The following MBD5 variants were observed in gnomAD, a reference collection of about 807,000 sequenced individuals.
MBD5 encodes the protein methyl-CpG-binding domain protein 5.
In MBD5, 13 loss-of-function variants were observed where a neutral mutation model predicts 117.3. The ratio of observed to expected loss-of-function variants is 0.11; its 90% CI spans 0.07 to 0.18. MBD5 has a LOEUF of 0.18. MBD5 is among the 10% of genes least tolerant of loss of function. The pLI is 1.00. For synonymous variants in MBD5, 727 were observed against 766.4 expected (o/e 0.95, Z 0.85); for missense variants, 1,879 against 2,093.8 (o/e 0.90, Z 2.00).
At chr2:148,303,142 A>G (rs1437735597) in intron 3 of MBD5, among the ~76,000 whole-genome samples, 2 of 152,124 alleles carry the variant, frequency 1.3e-5, no homozygotes, top group Non-Finnish European at 2.9e-5. Flanking sequence ...AATAAGTGGA[A>G]CCTTCTGAAT....
intron 1 of MBD5, among the ~76,000 whole-genome samples, chr2:148,156,666 G>A (rs906835679): frequency 6.6e-5 from 10 of 152,086 alleles, no homozygotes; most frequent in African/African-American, 2.4e-4. Context: ...TTTTTTGTCT[G>A]TGCATATTTT....
chr2:148,249,739 T>C (rs1700421311), intron 3 of MBD5, among the ~76,000 whole-genome samples: 1 of 152,206 alleles, frequency 6.6e-6, no homozygotes, highest in Non-Finnish European at 1.5e-5. Context: ...TATTATTACT[T>C]ACCTCACTCT....
At chr2:148,200,945 T>A (rs955901292) in intron 2 of MBD5, among the ~76,000 whole-genome samples, 2 of 152,224 alleles carry the variant, frequency 1.3e-5, no homozygotes, top group Non-Finnish European at 2.9e-5. Context: ...GATCCATTTA[T>A]TTATTTGTTA....
At chr2:148,460,248 A>G (rs986119055) in intron 5 of MBD5, 2 of 152,140 alleles carry the variant, frequency 1.3e-5, no homozygotes, top group African/African-American at 4.8e-5. Flanking sequence ...TTCTGCGAGC[A>G]AAAACCAAAG....
rs70995316 is a variant in MBD5 at position 148,447,178 on chromosome 2, G to GGAAAGAAAGAAAGAAAGAAA, written c.-556-10987_-556-10968dup. Among the ~76,000 whole-genome samples, 388 of 137,740 alleles carry GGAAAGAAAGAAAGAAAGAAA rather than the reference G, an allele frequency of 2.8e-3. 3 individuals are homozygous for GGAAAGAAAGAAAGAAAGAAA. Among genetic ancestry groups the GGAAAGAAAGAAAGAAAGAAA allele is most frequent in the African/African-American group, 7.5e-3 (255 of 34,166 alleles). The allele number at this position is 137,740 out of a possible 152,430, so 90.4% of individuals were successfully genotyped here. A position where few individuals can be genotyped will look rare whatever the true frequency, so the allele number is the denominator to read the frequency against. ...AGGAAAGAAAGGAAGAAAGGAAGAA[G>GGAAAGAAAGAAAGAAAGAAA]GAAAGAAAGAAAGAAAGAAAGAAAG... On this transcript the variant is annotated intron_variant, in intron 4 of 13. Transcript: ENST00000642680.
At chr2:148,210,680 T>C (rs1444428119) in intron 2 of MBD5, among the ~76,000 whole-genome samples, 1 of 152,040 alleles carries the variant, frequency 6.6e-6, no homozygotes, top group Non-Finnish European at 1.5e-5. Context: ...TTACTTATAT[T>C]GCTTAACCTG....
At chr2:148,249,065 C>A (rs996214286) in intron 3 of MBD5, among the ~76,000 whole-genome samples, 3 of 151,892 alleles carry the variant, frequency 2.0e-5, no homozygotes, top group South Asian at 2.1e-4. Context: ...AGGAGAACAT[C>A]TTTCGAGTAG....
intron 3 of MBD5, among the ~76,000 whole-genome samples, chr2:148,297,787 C>T (rs76611407): frequency 0.02 from 3,056 of 152,158 alleles, 116 homozygotes; most frequent in African/African-American, 0.07. Context: ...TTATTTCTCT[C>T]ATGGAGATAC....
chr2:148,202,490 G>A (rs2105963641), intron 2 of MBD5, among the ~76,000 whole-genome samples: 1 of 152,246 alleles, frequency 6.6e-6, no homozygotes, highest in African/African-American at 2.4e-5. Context: ...CTGCTGGTAT[G>A]GAGAAAGTGG....
intron 2 of MBD5, among the ~76,000 whole-genome samples, chr2:148,230,792 G>A (rs895759122): frequency 4.6e-5 from 7 of 152,012 alleles, no homozygotes; most frequent in South Asian, 2.1e-4. Flanking sequence ...GGGTTCTTCC[G>A]TTCAAGGCAG....
intron 3 of MBD5, among the ~76,000 whole-genome samples, chr2:148,340,714 T>C (rs924892789): frequency 3.9e-5 from 6 of 151,970 alleles, no homozygotes; most frequent in African/African-American, 1.2e-4. Flanking sequence ...ATATACCTCA[T>C]AGGATTGAAG....
chr2:148,312,641 G>A (rs991832657), intron 3 of MBD5, among the ~76,000 whole-genome samples: 6 of 152,100 alleles, frequency 3.9e-5, no homozygotes, highest in Admixed American at 3.3e-4. Context: ...ACCTTCTGAA[G>A]CCTACTTCCG....
intron 2 of MBD5, among the ~76,000 whole-genome samples, chr2:148,215,220 A>G (rs912959393): frequency 6.6e-6 from 1 of 152,202 alleles, no homozygotes; most frequent in Admixed American, 6.5e-5. Flanking sequence ...CTACTCTGTG[A>G]GGGCAAAGAC....
chr2:148,508,322 G>C (rs1417924029), intron 12 of MBD5, among the ~76,000 whole-genome samples: 1 of 152,076 alleles, frequency 6.6e-6, no homozygotes, highest in South Asian at 2.1e-4. Flanking sequence ...GGAATGAATA[G>C]ATTATACAAA....
intron 2 of MBD5, among the ~76,000 whole-genome samples, chr2:148,182,824 GACATTC>G (rs768758607): frequency 6.6e-6 from 1 of 152,008 alleles, no homozygotes. Flanking sequence ...AGCCCACATT[GACATTC>G]ACATTCACAT....
chr2:148,086,189 T>TTG (rs35844154), intron 1 of MBD5, among the ~76,000 whole-genome samples: 62,181 of 149,786 alleles, frequency 0.42, 12,874 homozygotes, highest in Middle Eastern at 0.53. Flanking sequence ...TAAAATGTGT[T>TTG]TGTGTGTGTG....
At chr2:148,389,342 A>G (rs1263132572) in intron 4 of MBD5, among the ~76,000 whole-genome samples, 1 of 134,282 alleles carries the variant, frequency 7.4e-6, no homozygotes, top group Admixed American at 7.9e-5. Context: ...CATTGATGGC[A>G]CTTAGCTTGA....
Position 148,031,661 on chromosome 2 carries a change from AT to A in MBD5, c.-925+9979del, listed in dbSNP as rs1167178025. Among the ~76,000 whole-genome samples, 4 of 152,274 alleles carry A rather than the reference AT, an allele frequency of 2.6e-5. No individual in the cohort carries two copies. The East Asian group carries it at 7.7e-4, about 29-fold the overall frequency. ...GAAAGAAGTAGAGAAAGGGGGAAAA[AT>A]TATTTGCACAAAAAATAAGGAAATG... On this transcript the variant is annotated intron_variant, in intron 1 of 13. Coordinates refer to ENST00000642680, the MANE Select transcript of MBD5 (RefSeq NM_001378120.1).
chr2:148,236,627 G>GT, intron 3 of MBD5, among the ~76,000 whole-genome samples: 1 of 152,146 alleles, frequency 6.6e-6, no homozygotes, highest in Non-Finnish European at 1.5e-5. Context: ...AGGCTTTGTT[G>GT]TTTCATTTAT....
Sources: gnomAD v4.1 joint callset for allele counts (sites outside exome capture counted in the v4.1 genomes callset) on GRCh38, gnomAD v4.1.1 for gene constraint, MANE v1.5 for transcripts, NCBI Gene and HGNC (gene_info 2026-07-23, HGNC 2026-07-21) for gene names.